The following SLC2A2 variants were observed in gnomAD, a reference collection of about 807,000 sequenced individuals.
SLC2A2 encodes the protein solute carrier family 2, facilitated glucose transporter member 2.
A neutral mutation model predicts 54.5 loss-of-function variants in SLC2A2; 36 were observed. That is an observed-to-expected ratio of 0.66 (90% confidence interval 0.51 to 0.87). SLC2A2 has a LOEUF of 0.87. Among genes scored for constraint, SLC2A2 ranks in the 40% least tolerant of loss-of-function variants. The probability of loss-of-function intolerance (pLI) is 0.00; values close to 1 mark genes in which losing one functional copy is unlikely to be tolerated. For missense variants in SLC2A2, 543 were observed against 624.3 expected (o/e 0.87, Z 1.39); for synonymous variants, 223 against 219.1 (o/e 1.02, Z -0.16).
In SLC2A2 at chr3:171,007,212, G is replaced by A; in HGVS notation, c.548C>T (p.Ala183Val). The A allele has an allele frequency of 6.2e-7, 1 of 1,612,844 alleles. No homozygotes were observed. The highest frequency in any genetic ancestry group is 8.5e-7 in the Non-Finnish European group (1 of 1,179,200). The part of the protein sequence containing the change: ...PMYIGEIAPT[A>V]LRGALGTFHQ... ...AAAAGTGCCAAGTGCTCCCCTGAGA[G>A]CGGTTGGAGCAATTTCACCGATATA... The change falls in exon 5 of 11, where the codon GCT becomes GTT. Residue 183 changes from alanine (A) to valine (V), a missense_variant. Physicochemically the swap from Ala to Val is moderately conservative, Grantham distance 64 (BLOSUM62 0). Coordinates refer to ENST00000314251, the MANE Select transcript of SLC2A2 (RefSeq NM_000340.2).
intron 2 of SLC2A2, among the ~76,000 whole-genome samples, chr3:171,017,187 C>T (rs2108260266): frequency 6.6e-6 from 1 of 152,036 alleles, no homozygotes; most frequent in South Asian, 2.1e-4. Context: ...TAAGGTCTTC[C>T]ACAAAAAGAG....
rs755827162 is a variant in SLC2A2 at position 171,005,922 on chromosome 3, A to T, written c.775+21T>A. On this transcript the variant is annotated intron_variant, in intron 6 of 10. Coordinates refer to ENST00000314251, the MANE Select transcript of SLC2A2 (RefSeq NM_000340.2). ...TAATGCCAAAACAATAGGAAGAAAGAAAAACCATCCACAGACTTACTTTGT... is the reference window on the plus strand; with the variant it reads ...TAATGCCAAAACAATAGGAAGAAAGTAAAACCATCCACAGACTTACTTTGT... The T allele has an allele frequency of 1.9e-6, 3 of 1,609,028 alleles. No homozygotes were observed. The Admixed American group carries it at 5.0e-5, about 27-fold the overall frequency.
At chr3:171,024,773 C>T (rs1008487706) in intron 1 of SLC2A2, among the ~76,000 whole-genome samples, 1 of 152,158 alleles carries the variant, frequency 6.6e-6, no homozygotes, top group Non-Finnish European at 1.5e-5. Flanking sequence ...TGTGACAACT[C>T]AGGTCTCTTG....
chr3:171,023,332 CTTTCTT>C (rs778158074), intron 1 of SLC2A2, among the ~76,000 whole-genome samples: 10 of 152,124 alleles, frequency 6.6e-5, no homozygotes, highest in African/African-American at 9.7e-5. Flanking sequence ...TTTCCTTTTG[CTTTCTT>C]TTTCTTTATC....
chr3:171,007,415 G>A (rs1463753247), intron 4 of SLC2A2, 152 bp from the exon 5 acceptor site: 41 of 658,358 alleles, frequency 6.2e-5, no homozygotes, highest in South Asian at 5.6e-4. Flanking sequence ...GACATAGTTT[G>A]TGCAGGAGAT....
At chr3:171,006,174 G>GA in intron 5 of SLC2A2, 69 bp from the exon 6 acceptor site, 1 of 1,451,362 alleles carries the variant, frequency 6.9e-7, no homozygotes, top group Non-Finnish European at 9.5e-7. Context: ...CTAGTTTGTT[G>GA]AAAAAGTACT....
intron 3 of SLC2A2, among the ~76,000 whole-genome samples, chr3:171,012,152 A>G (rs796371476): frequency 2.6e-4 from 39 of 152,202 alleles, no homozygotes; most frequent in African/African-American, 8.7e-4. Flanking sequence ...ATGAGGCCAC[A>G]TTTGGTGTTT....
rs5408 is a variant in SLC2A2 at position 170,999,158 on chromosome 3, A to G, written c.1077T>C (p.Leu359=). 109 of 1,601,852 alleles carry G rather than the reference A, an allele frequency of 6.8e-5. 1 individual carries two copies. The African/African-American group carries it at 1.2e-3, about 18-fold the overall frequency. The part of the protein sequence containing the change: ...NMVFTAVSVF[L]VEKAGRRSLF... ...GAGAACGTCGCCCTGCCTTCTCCAC[A>G]AGGAATACCTAGGACAATTTTAAAG... is the stretch of plus-strand genomic sequence containing the variant. Residue 359 remains leucine, a synonymous_variant, in exon 9 of 11, where the codon CTT becomes CTC. Coordinates refer to ENST00000314251, the MANE Select transcript of SLC2A2 (RefSeq NM_000340.2).
At chr3:171,025,763 A>C (rs1716658630) in intron 1 of SLC2A2, among the ~76,000 whole-genome samples, 2 of 152,158 alleles carry the variant, frequency 1.3e-5, no homozygotes, top group African/African-American at 4.8e-5. Context: ...CAGATTGATC[A>C]ACTTATATGA....
intron 2 of SLC2A2, among the ~76,000 whole-genome samples, chr3:171,018,138 C>A (rs550366869): frequency 3.3e-5 from 5 of 152,100 alleles, no homozygotes; most frequent in Non-Finnish European, 7.4e-5. Flanking sequence ...CAAAAAATGT[C>A]CCCTGAGTGA....
intron 2 of SLC2A2, 94 bp downstream of exon 2, chr3:171,018,437 A>G (rs1716256535): frequency 1.1e-6 from 1 of 911,172 alleles, no homozygotes; most frequent in African/African-American, 1.6e-5. Flanking sequence ...TGTGTCTCCC[A>G]CGTGGACACC....
intron 7 of SLC2A2, among the ~76,000 whole-genome samples, chr3:171,004,785 T>A (rs1394185603): frequency 2.0e-5 from 3 of 151,988 alleles, no homozygotes; most frequent in Admixed American, 6.6e-5. Flanking sequence ...TCATGCCAGT[T>A]TACTCTATTA....
At chr3:171,012,112 G>GTCATCA (rs554180180) in intron 3 of SLC2A2, among the ~76,000 whole-genome samples, 23 of 151,718 alleles carry the variant, frequency 1.5e-4, no homozygotes, top group Non-Finnish European at 2.7e-4. Context: ...GGTCATTGTC[G>GTCATCA]TCATCATCAT....
intron 4 of SLC2A2, 139 bp downstream of exon 4, chr3:171,009,819 C>T (rs1324562165): frequency 8.3e-7 from 1 of 1,208,758 alleles, no homozygotes; most frequent in East Asian, 2.7e-5. Context: ...CAACTTTATG[C>T]TATTGCCTTT....
At chr3:171,005,008 T>C (rs1196423863) in intron 7 of SLC2A2, among the ~76,000 whole-genome samples, 2 of 150,718 alleles carry the variant, frequency 1.3e-5, no homozygotes, top group East Asian at 1.9e-4. Flanking sequence ...TTATTCTCCT[T>C]TTCCCTCCTT....
intron 4 of SLC2A2, among the ~76,000 whole-genome samples, chr3:171,007,735 T>C (rs1447413943): frequency 6.6e-6 from 1 of 151,972 alleles, no homozygotes; most frequent in Non-Finnish European, 1.5e-5. Context: ...CAGCATGCCC[T>C]ATCTGAATTT....
chr3:171,016,784 T>C (rs1384770753), intron 2 of SLC2A2, among the ~76,000 whole-genome samples: 1 of 151,982 alleles, frequency 6.6e-6, no homozygotes, highest in Non-Finnish European at 1.5e-5. Context: ...CTCTGGGACT[T>C]GGATTGAAGG....
rs554313866 is a variant in SLC2A2, at chr3:171,005,136, A to G, written c.963+149T>C. 4.4e-5 allele frequency: 31 copies of G among 712,476 alleles called. No homozygotes were observed. The African/African-American group carries it at 5.5e-4, about 13-fold the overall frequency. 44.1% of individuals were successfully genotyped at this position (712,476 alleles called of 1,614,324 possible). A position where few individuals can be genotyped will look rare whatever the true frequency, so the allele number is the denominator to read the frequency against. On this transcript the variant is annotated intron_variant, in intron 7 of 10. Transcript: ENST00000314251. The stretch of plus-strand genomic sequence containing the variant: ...AGAAAACTTTTGAAGCAAAATGGAA[A>G]TTAATGCTTACTCAATGTACGTTTG...
intron 7 of SLC2A2, among the ~76,000 whole-genome samples, chr3:171,004,061 C>T (rs1036593912): frequency 6.6e-6 from 1 of 151,984 alleles, no homozygotes. Context: ...CCTTCCCCAC[C>T]TAACGTGTCC....
Sources: gnomAD v4.1 joint callset for allele counts (sites outside exome capture counted in the v4.1 genomes callset) on GRCh38, gnomAD v4.1.1 for gene constraint, MANE v1.5 for transcripts, NCBI Gene and HGNC (gene_info 2026-07-23, HGNC 2026-07-21) for gene names.